Variants in SYT6 observed in about 807,000 individuals in gnomAD.
SYT6 encodes the protein synaptotagmin 6, also known as synaptotagmin-6.
A neutral mutation model predicts 38.4 loss-of-function variants in SYT6; 24 were observed. That is an observed-to-expected ratio of 0.62 (90% CI 0.45 to 0.88). The LOEUF (loss-of-function observed/expected upper bound fraction) is 0.88. Ranked by LOEUF, SYT6 falls within the 40% of genes least tolerant of loss-of-function variation. The pLI, the probability that SYT6 is intolerant of heterozygous loss-of-function variation, is 0.00. For missense variants in SYT6, 611 were observed against 621.0 expected (o/e 0.98, Z 0.17); for synonymous variants, 265 against 241.9 (o/e 1.10, Z -0.89).
chr1:114,103,571 C>T lies in SYT6; in HGVS notation c.1192+30G>A, dbSNP rs564443599. 1.7e-5 allele frequency: 28 copies of T among 1,613,150 alleles called. No homozygotes were observed. The South Asian group carries it at 3.0e-4, about 17-fold the overall frequency. On this transcript the variant is annotated intron_variant, in intron 4 of 7. Transcript: ENST00000610222. ...CTTCCAAATCCTAATGTCTGGGCTG[C>T]TGGCAGGCCACTTGGGTTAAGAGAG...
At chr1:114,096,647 T>C (rs78423292) in intron 6 of SYT6, among the ~76,000 whole-genome samples, 11 of 152,320 alleles carry the variant, frequency 7.2e-5, no homozygotes, top group African/African-American at 2.6e-4. Flanking sequence ...CGGCAGGTTC[T>C]ATGGGTTTGC....
chr1:114,153,585 GA>G (rs1557775485), intron 1 of SYT6, 24 bp downstream of exon 1: 2 of 583,428 alleles, frequency 3.4e-6, no homozygotes, highest in Non-Finnish European at 6.1e-6. Flanking sequence ...TCCAGGAAGG[GA>G]GGGGGCCCTG....
intron 3 of SYT6, among the ~76,000 whole-genome samples, chr1:114,136,297 C>A (rs1678479789): frequency 6.6e-6 from 1 of 152,154 alleles, no homozygotes; most frequent in South Asian, 2.1e-4. Flanking sequence ...ATTGACTATC[C>A]AAGCGGGAGT....
intron 3 of SYT6, among the ~76,000 whole-genome samples, chr1:114,131,210 C>G (rs573394221): frequency 1.3e-5 from 2 of 152,120 alleles, no homozygotes; most frequent in East Asian, 1.9e-4. Context: ...ATATTCCCAG[C>G]CTGGTGCCTG....
At position 114,103,397 on chromosome 1, in the gene SYT6, A is replaced by G. The variant is rs577641420; in HGVS notation, c.1192+204T>C. Among the ~76,000 whole-genome samples the G allele has an allele frequency of 2.0e-5, 3 of 152,388 alleles. No homozygotes were observed. In the East Asian group the frequency reaches 5.8e-4, roughly 29 times the overall value. ...CTGAAAGCAACCCATGTAAGATATT[A>G]TTACTCCCACTTTTCAGACTAGAAA... On this transcript the variant is annotated intron_variant, in intron 4 of 7. Transcript: ENST00000610222.
At chr1:114,149,197 G>C (rs1320449036) in intron 1 of SYT6, among the ~76,000 whole-genome samples, 2 of 98,058 alleles carry the variant, frequency 2.0e-5, no homozygotes, top group Non-Finnish European at 4.7e-5. Context: ...GAATATCTGA[G>C]AGAGAGAGAG....
intron 6 of SYT6, among the ~76,000 whole-genome samples, chr1:114,094,206 G>A (rs956050134): frequency 6.6e-6 from 1 of 152,202 alleles, no homozygotes; most frequent in Non-Finnish European, 1.5e-5. Flanking sequence ...TAAACAAAGG[G>A]AGGAGATGGG....
At position 114,093,723 on chromosome 1, in the gene SYT6, C is replaced by A; in HGVS notation, c.*51+12G>T. The A allele has an allele frequency of 6.2e-7, 1 of 1,613,098 alleles. No homozygotes were observed. The highest frequency in any genetic ancestry group is 8.5e-7 in the Non-Finnish European group (1 of 1,179,526). On this transcript the variant is annotated intron_variant, in intron 7 of 7. Coordinates refer to ENST00000610222, the MANE Select transcript of SYT6 (RefSeq NM_001253772.2). ...GCAACCTAACGTCTTTGGGTCCACA[C>A]CAGGTACTTACTCCTAACTCCAGGT...
chr1:114,152,402 G>C (rs1222452842), intron 1 of SYT6: 1 of 152,586 alleles, frequency 6.6e-6, no homozygotes, highest in Non-Finnish European at 1.5e-5. Context: ...GAGGGATGGA[G>C]CCTGCAGAGT....
intron 3 of SYT6, among the ~76,000 whole-genome samples, chr1:114,107,392 C>T (rs574682071): frequency 1.8e-4 from 27 of 152,302 alleles, no homozygotes; most frequent in African/African-American, 4.8e-4. Flanking sequence ...TGGTGTGGCC[C>T]GTGCACCCAA....
At chr1:114,135,268 C>T (rs544670779) in intron 3 of SYT6, among the ~76,000 whole-genome samples, 1 of 152,260 alleles carries the variant, frequency 6.6e-6, no homozygotes, top group Admixed American at 6.5e-5. Context: ...TGATTTAGTT[C>T]TCCTCATCAA....
intron 3 of SYT6, among the ~76,000 whole-genome samples, chr1:114,118,892 C>T (rs115934394): frequency 6.6e-6 from 1 of 152,198 alleles, no homozygotes; most frequent in Non-Finnish European, 1.5e-5. Context: ...ACCCAGGCCC[C>T]TTTCTTCCAG....
At position 114,112,198 on chromosome 1, in the gene SYT6, GAC is replaced by G. The variant is rs1204758014; in HGVS notation, c.1072-8479_1072-8478del. On this transcript the variant is annotated intron_variant, in intron 3 of 7. Coordinates refer to ENST00000610222, the MANE Select transcript of SYT6 (RefSeq NM_001253772.2). ...TACTCCAGCTTCACCCTGCAGTGTG[GAC>G]ACAGAGCTAAGGACTGCCCCATGGA... 4.6e-5 allele frequency among the ~76,000 whole-genome samples: 7 copies of G among 152,320 alleles called. No homozygotes were observed. In the East Asian group the frequency reaches 1.4e-3, roughly 29 times the overall value.
intron 3 of SYT6, among the ~76,000 whole-genome samples, chr1:114,127,225 A>T (rs1677797900): frequency 6.6e-6 from 1 of 152,216 alleles, no homozygotes. Context: ...CCTCTGCAGC[A>T]GGAACAGTTT....
At chr1:114,127,736 G>C (rs1353755818) in intron 3 of SYT6, among the ~76,000 whole-genome samples, 1 of 152,234 alleles carries the variant, frequency 6.6e-6, no homozygotes, top group Non-Finnish European at 1.5e-5. Flanking sequence ...ACAAAGGAGA[G>C]GTCCCACCCA....
intron 6 of SYT6, among the ~76,000 whole-genome samples, chr1:114,094,599 T>G (rs928977284): frequency 1.3e-5 from 2 of 152,230 alleles, no homozygotes; most frequent in African/African-American, 4.8e-5. Flanking sequence ...AGTTAATTTG[T>G]TCCCCTCAGC....
intron 1 of SYT6, among the ~76,000 whole-genome samples, chr1:114,146,440 A>G (rs1276392077): frequency 6.6e-6 from 1 of 152,182 alleles, no homozygotes; most frequent in Non-Finnish European, 1.5e-5. Context: ...CCACTGGGAC[A>G]TGTCCCCTAG....
chr1:114,091,324 A>G lies in SYT6; in HGVS notation c.*810T>C, dbSNP rs1358542556. ...GGCGTGTTTAGTTTCGGCTGAACTG[A>G]ATCATTCCTAAAGAAAGTGACTAAG... On this transcript the variant is annotated 3_prime_UTR_variant, in exon 8 of 8. Transcript: ENST00000610222. 2 of 152,646 alleles carry G rather than the reference A, an allele frequency of 1.3e-5. No individual in the cohort carries two copies. Among genetic ancestry groups the G allele is most frequent in the Non-Finnish European group, 2.9e-5 (2 of 68,050 alleles). 9.5% of individuals were successfully genotyped at this position (152,646 alleles called of 1,614,324 possible). A position where few individuals can be genotyped will look rare whatever the true frequency, so the allele number is the denominator to read the frequency against.
intron 3 of SYT6, among the ~76,000 whole-genome samples, chr1:114,109,875 T>C (rs1301784643): frequency 1.3e-5 from 2 of 152,198 alleles, no homozygotes; most frequent in East Asian, 3.8e-4. Flanking sequence ...AGTAGATTTC[T>C]AGCAGAAAAA....
Sources: gnomAD v4.1 joint callset for allele counts (sites outside exome capture counted in the v4.1 genomes callset) on GRCh38, gnomAD v4.1.1 for gene constraint, MANE v1.5 for transcripts, NCBI Gene and HGNC (gene_info 2026-07-23, HGNC 2026-07-21) for gene names.